The following EML4 variants were observed in gnomAD, a reference collection of about 807,000 sequenced individuals.
The protein encoded by EML4 is echinoderm microtubule-associated protein-like 4.
In EML4, 72 loss-of-function variants were observed where a neutral mutation model predicts 129.0. The ratio of observed to expected loss-of-function variants is 0.56; its 90% CI spans 0.46 to 0.68. EML4 has a LOEUF of 0.68. EML4 is among the 30% of genes least tolerant of loss of function. The pLI is 0.00. For missense variants in EML4, 1,363 were observed against 1,190.6 expected, an observed-to-expected ratio of 1.14 and a Z score of -2.13; for synonymous variants, 532 against 405.0, an observed-to-expected ratio of 1.31 and a Z score of -3.77.
intron 1 of EML4, among the ~76,000 whole-genome samples, chr2:42,189,738 A>G (rs902589296): frequency 2.0e-5 from 3 of 152,228 alleles, no homozygotes; most frequent in African/African-American, 7.2e-5. Flanking sequence ...GTGATAAAGC[A>G]CTGAAGCCCA....
chr2:42,169,853 C>T (rs1160846786), intron 1 of EML4: 5 of 451,166 alleles, frequency 1.1e-5, no homozygotes, highest in Non-Finnish European at 1.9e-5. Context: ...CTCCTTTCCT[C>T]CCGGAGCCCC....
intron 6 of EML4, among the ~76,000 whole-genome samples, chr2:42,274,099 T>C (rs1015963973): frequency 2.6e-5 from 4 of 152,152 alleles, no homozygotes; most frequent in African/African-American, 9.7e-5. Context: ...AACTCTGTGG[T>C]TTTGGGAAGT....
chr2:42,173,721 G>A (rs534130905), intron 1 of EML4, among the ~76,000 whole-genome samples: 1 of 152,070 alleles, frequency 6.6e-6, no homozygotes, highest in South Asian at 2.1e-4. Context: ...GCATGTGCCT[G>A]TAACCCCAGC....
chr2:42,324,938 G>T (rs994767814), intron 19 of EML4, among the ~76,000 whole-genome samples: 1 of 152,104 alleles, frequency 6.6e-6, no homozygotes, highest in African/African-American at 2.4e-5. Flanking sequence ...TACAGCGTTG[G>T]GTGAATTTTC....
intron 19 of EML4, among the ~76,000 whole-genome samples, chr2:42,324,562 T>C (rs1669688002): frequency 6.6e-6 from 1 of 152,156 alleles, no homozygotes; most frequent in African/African-American, 2.4e-5. Flanking sequence ...AAGGCTGCAG[T>C]GAGCCATGAT....
At chr2:42,169,919 C>T (rs1197049827) in intron 1 of EML4, 2 of 370,804 alleles carry the variant, frequency 5.4e-6, no homozygotes, top group Non-Finnish European at 9.8e-6. Flanking sequence ...TCTCAGGCCC[C>T]CCGATAGCTG....
Position 42,169,403 on chromosome 2 carries a change from G to A in EML4, c.-209G>A, listed in dbSNP as rs1032229945. 10 of 396,714 alleles carry A rather than the reference G, an allele frequency of 2.5e-5. No individual in the cohort carries two copies. The South Asian group carries it at 4.9e-4, about 19-fold the overall frequency. 24.6% of individuals were successfully genotyped at this position (396,714 alleles called of 1,614,324 possible). ...AGGGAGGCCGGGCAGGCGGCTGAGC[G>A]GCGCGGCTCTCAACGTGACGGGGAA... On this transcript the variant is annotated 5_prime_UTR_variant, in exon 1 of 23. Coordinates refer to ENST00000318522, the MANE Select transcript of EML4 (RefSeq NM_019063.5).
intron 10 of EML4, among the ~76,000 whole-genome samples, chr2:42,286,918 A>C (rs572169132): frequency 1.3e-5 from 2 of 152,208 alleles, no homozygotes; most frequent in South Asian, 4.1e-4. Context: ...AGTCCTTTCT[A>C]AGTGTTGAGG....
intron 1 of EML4, among the ~76,000 whole-genome samples, chr2:42,182,619 A>G (rs1671014544): frequency 6.6e-6 from 1 of 152,214 alleles, no homozygotes; most frequent in African/African-American, 2.4e-5. Flanking sequence ...GCTTTAATGA[A>G]AAAGTGGAAA....
intron 6 of EML4, among the ~76,000 whole-genome samples, chr2:42,269,515 C>T (rs1458001621): frequency 6.6e-6 from 1 of 152,080 alleles, no homozygotes; most frequent in Non-Finnish European, 1.5e-5. Flanking sequence ...ATAGACAAAA[C>T]AGATAAATAC....
At chr2:42,176,828 T>G (rs1457512349) in intron 1 of EML4, among the ~76,000 whole-genome samples, 1 of 152,080 alleles carries the variant, frequency 6.6e-6, no homozygotes, top group African/African-American at 2.4e-5. Context: ...GAGTTTTGCT[T>G]TGTCGCCCAG....
chr2:42,220,141 A>G (rs1347373218), intron 1 of EML4, among the ~76,000 whole-genome samples: 2 of 152,070 alleles, frequency 1.3e-5, no homozygotes, highest in Admixed American at 6.6e-5. Context: ...TAATACGTGT[A>G]TAACACATAA....
chr2:42,242,171 T>C (rs1021409586), intron 1 of EML4, among the ~76,000 whole-genome samples: 4 of 152,198 alleles, frequency 2.6e-5, no homozygotes, highest in African/African-American at 9.7e-5. Flanking sequence ...CCTGATGATC[T>C]AGTAGTTCAG....
intron 1 of EML4, among the ~76,000 whole-genome samples, chr2:42,235,128 T>C (rs750643108): frequency 1.3e-5 from 2 of 152,130 alleles, no homozygotes; most frequent in Non-Finnish European, 2.9e-5. Context: ...AGATCCCGTC[T>C]CTATTAAAAG....
chr2:42,271,625 A>T lies in EML4; in HGVS notation c.667+6894A>T, dbSNP rs1464311394. Among the ~76,000 whole-genome samples the T allele has an allele frequency of 2.0e-5, 3 of 152,192 alleles. No homozygotes were observed. In the East Asian group the frequency reaches 5.8e-4, roughly 29 times the overall value. ...CTCTGGACATCAAGTATATGACTTC[A>T]TTAGAGAACGTTCTAATCTTATACG... On this transcript the variant is annotated intron_variant, in intron 6 of 22. Coordinates refer to ENST00000318522, the MANE Select transcript of EML4 (RefSeq NM_019063.5).
rs182589392 is a variant in EML4 at position 42,204,141 on chromosome 2, A to C, written c.25+34505A>C. On this transcript the variant is annotated intron_variant, in intron 1 of 22. Transcript: ENST00000318522. The stretch of plus-strand genomic sequence containing the variant: ...CACTTTGTTGCCCAGGCTGGTCTCA[A>C]ACTCCTGGGCTCAAGTGATCCTCCT... Among the ~76,000 whole-genome samples the C allele has an allele frequency of 4.3e-4, 65 of 152,190 alleles. 1 individual carries two copies. Among genetic ancestry groups the C allele is most frequent in the Middle Eastern group, 3.4e-3 (1 of 294 alleles).
chr2:42,309,492 C>T (rs1373585471), intron 17 of EML4, among the ~76,000 whole-genome samples: 1 of 150,842 alleles, frequency 6.6e-6, no homozygotes, highest in East Asian at 1.9e-4. Flanking sequence ...TTCACAGCAG[C>T]CGTATTGTCT....
At chr2:42,308,019 A>G (rs938790408) in intron 17 of EML4, among the ~76,000 whole-genome samples, 3 of 152,276 alleles carry the variant, frequency 2.0e-5, no homozygotes, top group African/African-American at 7.2e-5. Flanking sequence ...AAAAGTGACT[A>G]GTAAAAAAAA....
At chr2:42,281,018 A>G (rs1345957885) in intron 7 of EML4, 45 bp downstream of exon 7, 7 of 1,474,726 alleles carry the variant, frequency 4.7e-6, no homozygotes, top group Admixed American at 4.7e-5. Flanking sequence ...CTTTGTCTCT[A>G]GTTAACAAAT....
Sources: allele counts gnomAD v4.1 joint callset (sites outside exome capture counted in the v4.1 genomes callset), GRCh38; gene constraint gnomAD v4.1.1; transcripts MANE v1.5; gene names NCBI Gene and HGNC (gene_info 2026-07-23, HGNC 2026-07-21).